Variants in ARHGEF18 observed in about 807,000 individuals in gnomAD.
ARHGEF18 encodes the protein Rho/Rac guanine nucleotide exchange factor 18, also known as rho guanine nucleotide exchange factor 18.
In ARHGEF18, 93 loss-of-function variants were observed where a neutral mutation model predicts 155.7. That is an observed-to-expected ratio of 0.60 (90% confidence interval 0.50 to 0.71). The LOEUF (loss-of-function observed/expected upper bound fraction) is 0.71. Among genes scored for constraint, ARHGEF18 ranks in the 30% least tolerant of loss-of-function variants. The pLI is 0.00. For synonymous variants in ARHGEF18, 742 were observed against 753.1 expected, an observed-to-expected ratio of 0.99 and a Z score of 0.24; for missense variants, 1,593 against 1,816.1, an observed-to-expected ratio of 0.88 and a Z score of 2.23.
At chr19:7,452,580 C>G (rs905823175) in intron 16 of ARHGEF18, among the ~76,000 whole-genome samples, 1 of 151,904 alleles carries the variant, frequency 6.6e-6, no homozygotes, top group Admixed American at 6.6e-5. Context: ...ATTCTCCTGC[C>G]TCAGCCTCCC....
chr19:7,451,293 C>G (rs372380104), intron 16 of ARHGEF18, 27 bp downstream of exon 16: 2 of 1,600,136 alleles, frequency 1.2e-6, no homozygotes, highest in Non-Finnish European at 1.7e-6. Flanking sequence ...CTGCCCCGCC[C>G]GCCCGTGCTG....
chr19:7,364,433 A>T (rs1242785152), intron 2 of ARHGEF18, among the ~76,000 whole-genome samples: 1 of 148,432 alleles, frequency 6.7e-6, no homozygotes, highest in Non-Finnish European at 1.5e-5. Flanking sequence ...AATACAGCCT[A>T]GAAAGGTAGA....
Position 7,463,926 on chromosome 19 carries a change from G to C in ARHGEF18, c.2744G>C (p.Gly915Ala), listed in dbSNP as rs1976450833. The C allele has an allele frequency of 6.3e-7, 1 of 1,593,862 alleles. No homozygotes were observed. The highest frequency in any genetic ancestry group is 8.5e-7 in the Non-Finnish European group (1 of 1,170,816). ...GPPRRAETFAGYDCTNSPTKN... is the reference protein window; with the variant it reads ...GPPRRAETFAAYDCTNSPTKN... ...CCCAGGAGGGCTGAGACCTTCGCGGGCTACGACTGCACAAACAGCCCCACC... is the reference window on the plus strand; with the variant it reads ...CCCAGGAGGGCTGAGACCTTCGCGGCCTACGACTGCACAAACAGCCCCACC... The change falls in exon 22 of 29, where the codon GGC becomes GCC. Residue 915 changes from glycine to alanine, a missense_variant. Coordinates refer to ENST00000668164, the MANE Select transcript of ARHGEF18 (RefSeq NM_001367823.1). This position sits in a 1 kb window ranked among gnomAD's most constrained non-coding sequence, Gnocchi z 5.2.
chr19:7,389,323 T>C (rs1194271719), intron 10 of ARHGEF18, among the ~76,000 whole-genome samples: 2 of 147,772 alleles, frequency 1.4e-5, no homozygotes, highest in Admixed American at 6.7e-5. Flanking sequence ...GATAATTTTT[T>C]TTTTTTTTTT....
chr19:7,407,814 C>CAAAAAT (rs1972408857), intron 10 of ARHGEF18, among the ~76,000 whole-genome samples: 2 of 151,492 alleles, frequency 1.3e-5, no homozygotes. Flanking sequence ...TACAAAAAAA[C>CAAAAAT]TAGCCGGGCG....
intron 7 of ARHGEF18, among the ~76,000 whole-genome samples, chr19:7,380,435 C>A (rs1198066948): frequency 1.3e-5 from 2 of 149,408 alleles, no homozygotes; most frequent in Non-Finnish European, 3.0e-5. Context: ...GCCGAGATCG[C>A]ACCACCACAC....
intron 4 of ARHGEF18, 81 bp from the exon 5 acceptor site, chr19:7,376,562 G>A: frequency 2.3e-6 from 2 of 869,376 alleles, no homozygotes; most frequent in Non-Finnish European, 3.0e-6. Flanking sequence ...CCCTGGCTGT[G>A]GGTTGGGCCC....
the ARHGEF18 span, among the ~76,000 whole-genome samples, chr19:7,479,312 T>C: frequency 1.3e-5 from 2 of 152,016 alleles, no homozygotes; most frequent in African/African-American, 4.8e-5. Flanking sequence ...GGTGAACCCC[T>C]GTCTCTACTA....
intron 4 of ARHGEF18, 125 bp from the exon 5 acceptor site, chr19:7,376,518 G>A: frequency 4.2e-6 from 2 of 475,264 alleles, no homozygotes; most frequent in Non-Finnish European, 3.4e-6. Context: ...GCTGAGGCTT[G>A]GATGAGTGTG....
intron 10 of ARHGEF18, among the ~76,000 whole-genome samples, chr19:7,410,551 G>T (rs563248605): frequency 2.2e-4 from 34 of 152,096 alleles, no homozygotes; most frequent in Admixed American, 5.9e-4. Context: ...GTTCGCGCCT[G>T]TAAATCCCAG....
At position 7,423,255 on chromosome 19, in the gene ARHGEF18, G is replaced by A. The variant is rs946725119; in HGVS notation, c.968-17089G>A. On this transcript the variant is annotated intron_variant, in intron 10 of 28. Coordinates refer to ENST00000668164, the MANE Select transcript of ARHGEF18 (RefSeq NM_001367823.1). ...TCTTCAGTTAGCTGTTTGAGTATTC[G>A]GGTTGGGTGTGAGGGAGCTAACAGT... Among the ~76,000 whole-genome samples, 5 of 152,160 alleles carry A rather than the reference G, an allele frequency of 3.3e-5. No individual in the cohort carries two copies. In the South Asian group the frequency reaches 6.2e-4, roughly 19 times the overall value.
intron 1 of ARHGEF18, among the ~76,000 whole-genome samples, chr19:7,354,071 A>C (rs1969223188): frequency 6.6e-6 from 1 of 152,126 alleles, no homozygotes; most frequent in Non-Finnish European, 1.5e-5. Context: ...AAAACTTTGG[A>C]GGCTGAGCCA....
intron 15 of ARHGEF18, among the ~76,000 whole-genome samples, chr19:7,450,483 G>A (rs983332286): frequency 4.4e-4 from 19 of 43,316 alleles, no homozygotes; most frequent in South Asian, 1.4e-3. Flanking sequence ...TTCCGTTTCC[G>A]TTTCCGAGAT....
At chr19:7,364,504 G>T (rs1187031179) in intron 2 of ARHGEF18, among the ~76,000 whole-genome samples, 2 of 152,150 alleles carry the variant, frequency 1.3e-5, no homozygotes, top group East Asian at 3.9e-4. Context: ...TGACTCTGCA[G>T]CCTGCGTCCA....
chr19:7,427,904 A>G (rs1973750797), intron 10 of ARHGEF18, among the ~76,000 whole-genome samples: 2 of 152,102 alleles, frequency 1.3e-5, no homozygotes, highest in Non-Finnish European at 2.9e-5. Context: ...AGATCGTGCC[A>G]CTGTACTCCA....
At chr19:7,461,245 T>G (rs1054580334) in intron 20 of ARHGEF18, among the ~76,000 whole-genome samples, 1 of 147,904 alleles carries the variant, frequency 6.8e-6, no homozygotes, top group African/African-American at 2.5e-5. Context: ...AAACCCTGTC[T>G]CTACAAAAAA....
chr19:7,367,290 T>C (rs10412464), intron 2 of ARHGEF18, among the ~76,000 whole-genome samples: 17,120 of 152,066 alleles, frequency 0.11, 2,649 homozygotes, highest in African/African-American at 0.35. Flanking sequence ...TGAGGTCTTT[T>C]TACCCAATGA....
At chr19:7,460,170 C>T (rs1976122585) in intron 20 of ARHGEF18, among the ~76,000 whole-genome samples, 176 bp downstream of exon 20, 3 of 152,132 alleles carry the variant, frequency 2.0e-5, no homozygotes, top group African/African-American at 7.2e-5. Flanking sequence ...ACATAGCGAT[C>T]TCCAGAGGTC....
chr19:7,369,131 C>T (rs1423245286), intron 2 of ARHGEF18, among the ~76,000 whole-genome samples: 2 of 151,856 alleles, frequency 1.3e-5, no homozygotes, highest in Admixed American at 6.6e-5. Flanking sequence ...AGTTCAAGAG[C>T]AGCCTGGCCA....
Sources: gnomAD v4.1 joint callset for allele counts (sites outside exome capture counted in the v4.1 genomes callset) on GRCh38, gnomAD v4.1.1 for gene constraint, Gnocchi (gnomAD v3.1) non-coding constraint, MANE v1.5 for transcripts, NCBI Gene and HGNC (gene_info 2026-07-23, HGNC 2026-07-21) for gene names.